CACNA2D1: variants seen among roughly 807,000 people sequenced by gnomAD.
CACNA2D1 encodes the protein calcium voltage-gated channel auxiliary subunit alpha2delta 1.
Under a neutral mutation model 171.5 loss-of-function variants are expected in CACNA2D1, and 53 were observed. The ratio of observed to expected loss-of-function variants is 0.31; its 90% CI spans 0.25 to 0.39. The LOEUF is 0.39. Among genes scored for constraint, CACNA2D1 ranks in the 10% least tolerant of loss-of-function variants. CACNA2D1 has a pLI of 1.00. For synonymous variants in CACNA2D1, 442 were observed against 443.1 expected (o/e 1.00, Z 0.03); for missense variants, 903 against 1,299.8 (o/e 0.69, Z 4.69).
At position 82,147,959 on chromosome 7, in the gene CACNA2D1, A is replaced by T. The variant is rs577824546; in HGVS notation, c.355-11283T>A. Among the ~76,000 whole-genome samples the T allele has an allele frequency of 3.3e-5, 5 of 152,182 alleles. 1 individual carries two copies. The highest frequency in any genetic ancestry group is 1.2e-4 in the African/African-American group (5 of 41,520). ...AAATAAACATTCACATATATACAGT[A>T]CTCCTTGCTCATCCCCAGGAGAAAC... On this transcript the variant is annotated intron_variant, in intron 4 of 38. Transcript: ENST00000356860.
intron 24 of CACNA2D1, among the ~76,000 whole-genome samples, chr7:81,979,108 G>C (rs569395917): frequency 5.3e-5 from 8 of 152,072 alleles, no homozygotes; most frequent in Admixed American, 2.6e-4. Context: ...TTTATACGAC[G>C]TGTCTAGAAC....
At chr7:82,325,816 T>C (rs1050022260) in intron 3 of CACNA2D1, among the ~76,000 whole-genome samples, 2 of 152,184 alleles carry the variant, frequency 1.3e-5, no homozygotes, top group African/African-American at 2.4e-5. Flanking sequence ...TTGTTCGATA[T>C]TGTTTTGTTA....
chr7:82,290,340 C>T (rs1811359439), intron 3 of CACNA2D1, among the ~76,000 whole-genome samples: 1 of 151,902 alleles, frequency 6.6e-6, no homozygotes, highest in African/African-American at 2.4e-5. Flanking sequence ...ATAGACAATT[C>T]GACAAGGAAA....
chr7:82,371,733 C>A (rs1207888761), intron 1 of CACNA2D1, among the ~76,000 whole-genome samples: 2 of 152,056 alleles, frequency 1.3e-5, no homozygotes, highest in Non-Finnish European at 2.9e-5. Flanking sequence ...CACCACCATC[C>A]CCGGCTATTT....
At chr7:82,404,865 A>G (rs1346674159) in intron 1 of CACNA2D1, among the ~76,000 whole-genome samples, 1 of 152,206 alleles carries the variant, frequency 6.6e-6, no homozygotes, top group Non-Finnish European at 1.5e-5. Flanking sequence ...ATTTAGGGTT[A>G]GGTTTCAGCA....
chr7:82,021,790 G>A (rs1801242491), intron 12 of CACNA2D1, among the ~76,000 whole-genome samples: 1 of 152,058 alleles, frequency 6.6e-6, no homozygotes, highest in African/African-American at 2.4e-5. Context: ...TAAAGGGGAT[G>A]TCTGGGGAAA....
chr7:82,157,645 C>T (rs3801733), intron 4 of CACNA2D1, among the ~76,000 whole-genome samples: 60,381 of 151,570 alleles, frequency 0.4, 12,229 homozygotes, highest in Middle Eastern at 0.53. Context: ...GCCAAAGAAG[C>T]AGGCTTACGT....
At chr7:82,344,566 A>G (rs534311406) in intron 2 of CACNA2D1, among the ~76,000 whole-genome samples, 14 of 152,312 alleles carry the variant, frequency 9.2e-5, no homozygotes, top group African/African-American at 3.4e-4. Context: ...AATGAATGTA[A>G]TTAACCACTG....
chr7:82,242,531 A>AT (rs1804426056), intron 3 of CACNA2D1, among the ~76,000 whole-genome samples: 1 of 152,106 alleles, frequency 6.6e-6, no homozygotes, highest in Non-Finnish European at 1.5e-5. Flanking sequence ...TACCAGTAAG[A>AT]TTTTCTGGCT....
intron 3 of CACNA2D1, among the ~76,000 whole-genome samples, chr7:82,183,036 T>TA (rs34429630): frequency 0.025 from 3,384 of 134,462 alleles, 104 homozygotes; most frequent in African/African-American, 0.068. Context: ...GACTCCATCT[T>TA]AAAAAAAAAA....
intron 18 of CACNA2D1, chr7:82,001,747 A>C (rs568866999): frequency 2.2e-6 from 2 of 925,926 alleles, no homozygotes; most frequent in South Asian, 2.8e-5. Flanking sequence ...AATTCATCAT[A>C]GTACATGTCA....
intron 1 of CACNA2D1, among the ~76,000 whole-genome samples, chr7:82,401,268 G>A (rs1267762508): frequency 1.3e-5 from 2 of 152,000 alleles, no homozygotes; most frequent in Admixed American, 1.3e-4. Context: ...TATGTTTATT[G>A]CAGCACTATT....
At chr7:82,247,178 T>C (rs1805028327) in intron 3 of CACNA2D1, among the ~76,000 whole-genome samples, 1 of 152,188 alleles carries the variant, frequency 6.6e-6, no homozygotes, top group South Asian at 2.1e-4. Context: ...ATTCTTTCTA[T>C]TGTATTTAAC....
chr7:82,060,178 A>AATATATATATT (rs1554381734), intron 10 of CACNA2D1, among the ~76,000 whole-genome samples: 2 of 15,898 alleles, frequency 1.3e-4, no homozygotes, highest in African/African-American at 3.4e-4. Flanking sequence ...ATATATATAT[A>AATATATATATT]ATATATATAT....
chr7:81,996,323 A>C (rs1798038774), intron 19 of CACNA2D1, among the ~76,000 whole-genome samples: 1 of 152,014 alleles, frequency 6.6e-6, no homozygotes, highest in Admixed American at 6.6e-5. Flanking sequence ...TCACCTAAAC[A>C]CCCTAACACA....
At chr7:82,384,676 A>G (rs1015187903) in intron 1 of CACNA2D1, among the ~76,000 whole-genome samples, 6 of 152,218 alleles carry the variant, frequency 3.9e-5, no homozygotes, top group Non-Finnish European at 7.3e-5. Flanking sequence ...TCTGGAAAGA[A>G]CTTGTTTTAT....
chr7:82,335,228 C>A lies in CACNA2D1; in HGVS notation c.201G>T (p.Leu67Phe). 6.2e-7 allele frequency: 1 copy of A among 1,605,026 alleles called. No homozygotes were observed. Among genetic ancestry groups the A allele is most frequent in the South Asian group, 1.1e-5 (1 of 90,866 alleles). ...LVDIYEKYQD[L>F]YTVEPNNARQ... ...GTGCATTATTTGGTTCCACAGTATA[C>A]AAATCTTGATATTTCTCATAAATCT... Residue 67 changes from leucine to phenylalanine, a missense_variant, in exon 3 of 39, where the codon TTG becomes TTT. Leu to Phe is a conservative substitution (Grantham distance 22). Around this residue, in one of 5 missense-constraint regions of CACNA2D1, gnomAD observed 189 missense variants for 266.8 expected, o/e 0.71. Coordinates refer to ENST00000356860, the MANE Select transcript of CACNA2D1 (RefSeq NM_000722.4).
chr7:82,337,233 T>C (rs1563389465), intron 2 of CACNA2D1, among the ~76,000 whole-genome samples: 1 of 152,090 alleles, frequency 6.6e-6, no homozygotes, highest in Non-Finnish European at 1.5e-5. Flanking sequence ...AGTGTAAATA[T>C]CTGGCTGTAT....
chr7:82,162,106 T>G (rs780960441), intron 4 of CACNA2D1, among the ~76,000 whole-genome samples: 1 of 152,012 alleles, frequency 6.6e-6, no homozygotes, highest in Non-Finnish European at 1.5e-5. Flanking sequence ...TTCGATTTGA[T>G]GACATAGAGG....
Sources: allele counts gnomAD v4.1 joint callset (sites outside exome capture counted in the v4.1 genomes callset), GRCh38; gene constraint gnomAD v4.1.1; regional missense constraint gnomAD v4.1.1; transcripts MANE v1.5; gene names NCBI Gene and HGNC (gene_info 2026-07-23, HGNC 2026-07-21).